Variants in SNX32 observed in about 807,000 individuals in gnomAD.
The protein encoded by SNX32 is sorting nexin-32.
SNX32 carries 58 observed loss-of-function variants against 57.0 expected under a neutral mutation model. The observed-to-expected ratio is 1.02, with a 90% CI of 0.82 to 1.27. The LOEUF (loss-of-function observed/expected upper bound fraction) is 1.27. SNX32 is among the 50% of genes most tolerant of loss of function. The probability of loss-of-function intolerance (pLI) is 0.00; values close to 1 mark genes in which losing one functional copy is unlikely to be tolerated. For synonymous variants in SNX32, 262 were observed against 220.4 expected (o/e 1.19, Z -1.67); for missense variants, 589 against 541.2 (o/e 1.09, Z -0.88).
intron 1 of SNX32, among the ~76,000 whole-genome samples, chr11:65,845,929 A>G (rs1858980698): frequency 1.3e-5 from 2 of 152,236 alleles, no homozygotes; most frequent in African/African-American, 4.8e-5. Flanking sequence ...ACAGGGGCAC[A>G]AAAGAATACA....
At chr11:65,840,012 G>A (rs149820605) in intron 1 of SNX32, among the ~76,000 whole-genome samples, 2,646 of 152,056 alleles carry the variant, frequency 0.017, 81 homozygotes, top group African/African-American at 0.06. Context: ...AAAATTAGCC[G>A]GGCATGGTAG....
chr11:65,841,131 G>A (rs1325193452), intron 1 of SNX32, among the ~76,000 whole-genome samples: 1 of 148,860 alleles, frequency 6.7e-6, no homozygotes, highest in African/African-American at 2.5e-5. Flanking sequence ...TTTTAGCAGA[G>A]ACGGGGTTTT....
At chr11:65,845,059 A>G (rs572998079) in intron 1 of SNX32, among the ~76,000 whole-genome samples, 1 of 137,814 alleles carries the variant, frequency 7.3e-6, no homozygotes, top group Non-Finnish European at 1.5e-5. Context: ...GCTACTTGGG[A>G]GGCTGAAGTG....
At chr11:65,842,779 G>A (rs1223699887) in intron 1 of SNX32, among the ~76,000 whole-genome samples, 1 of 150,830 alleles carries the variant, frequency 6.6e-6, no homozygotes, top group Non-Finnish European at 1.5e-5. Flanking sequence ...GTGAAACCCC[G>A]TCTCTACTAA....
At chr11:65,839,884 C>T (rs1004771108) in intron 1 of SNX32, among the ~76,000 whole-genome samples, 1 of 151,972 alleles carries the variant, frequency 6.6e-6, no homozygotes, top group African/African-American at 2.4e-5. Context: ...AAAGGCCGGG[C>T]GCGGTGGCTC....
chr11:65,839,280 A>AGT (rs1244686835), intron 1 of SNX32, among the ~76,000 whole-genome samples: 3 of 98,846 alleles, frequency 3.0e-5, no homozygotes, highest in Non-Finnish European at 5.6e-5. Flanking sequence ...CCCAGGCTGG[A>AGT]GTGCAGTGGC....
At chr11:65,846,961 C>G (rs1025510199) in intron 1 of SNX32, among the ~76,000 whole-genome samples, 1 of 150,016 alleles carries the variant, frequency 6.7e-6, no homozygotes, top group African/African-American at 2.5e-5. Flanking sequence ...CCAGCCTGGG[C>G]AACAAGAGTG....
At chr11:65,853,091 C>A (rs374530007) in intron 12 of SNX32, 133 bp downstream of exon 12, 4 of 1,274,338 alleles carry the variant, frequency 3.1e-6, no homozygotes, top group East Asian at 4.6e-5. Context: ...ATGAGAGGAG[C>A]CCCAGCTAAG....
chr11:65,852,500 G>GA lies in SNX32; in HGVS notation c.863dup (p.Leu289AlafsTer11). The GA allele has an allele frequency of 6.2e-7, 1 of 1,614,246 alleles. No homozygotes were observed. The highest frequency in any genetic ancestry group is 8.5e-7 in the Non-Finnish European group (1 of 1,180,054). Reference sequence around the variant, plus strand: ...GCCGGGTGGCTTCCGATGAGGACCTGAAGCTGTCAGACATGCTGAGGTACT... The same window carrying GA: ...GCCGGGTGGCTTCCGATGAGGACCTGAAAGCTGTCAGACATGCTGAGGTACT... On this transcript the variant is annotated frameshift_variant, in exon 10 of 13. Transcript: ENST00000308342. LOFTEE classifies it high-confidence loss of function.
intron 1 of SNX32, among the ~76,000 whole-genome samples, chr11:65,841,134 G>A (rs184578639): frequency 2.0e-5 from 3 of 149,556 alleles, no homozygotes; most frequent in African/African-American, 4.9e-5. Flanking sequence ...TAGCAGAGAC[G>A]GGGTTTTACC....
At chr11:65,834,220 C>G (rs568384474) in intron 1 of SNX32, 119 bp downstream of exon 1, 21 of 976,630 alleles carry the variant, frequency 2.2e-5, no homozygotes, top group Middle Eastern at 2.1e-4. Context: ...CTGTGTGTTT[C>G]TGTGTGTGTC....
rs774804513 is a variant in SNX32, at chr11:65,852,529, T to A, written c.890T>A (p.Met297Lys). ...CTGTCAGACATGCTGAGGTACTACA[T>A]GCGTGACTCACAGGCAGCCAAGGTG... is the stretch of plus-strand genomic sequence containing the variant. ...LKLSDMLRYY[M>K]RDSQAAKDLL... The change falls in exon 10 of 13, where the codon ATG becomes AAG. Residue 297 changes from methionine to lysine, a missense_variant. Coordinates refer to ENST00000308342, the MANE Select transcript of SNX32 (RefSeq NM_152760.3). 1 of 1,614,186 alleles carries A rather than the reference T, an allele frequency of 6.2e-7. No homozygotes were observed. Among genetic ancestry groups the A allele is most frequent in the South Asian group, 1.1e-5 (1 of 91,086 alleles).
intron 7 of SNX32, 83 bp downstream of exon 7, chr11:65,851,243 C>T (rs558421315): frequency 1.3e-5 from 21 of 1,597,408 alleles, no homozygotes; most frequent in Admixed American, 3.3e-5. Flanking sequence ...GAGAGCAGGG[C>T]GTGCCTTGTT....
intron 1 of SNX32, among the ~76,000 whole-genome samples, 187 bp from the exon 2 acceptor site, chr11:65,849,291 G>A (rs1859088750): frequency 6.6e-6 from 1 of 152,234 alleles, no homozygotes; most frequent in Non-Finnish European, 1.5e-5. Context: ...AGGATGGGAG[G>A]GTTAAAATGT....
rs996667984 is a variant in SNX32 at position 65,853,548 on chromosome 11, C to G, written c.*213C>G. 1 of 599,262 alleles carries G rather than the reference C, an allele frequency of 1.7e-6. No individual in the cohort carries two copies. The highest frequency in any genetic ancestry group is 3.0e-6 in the Non-Finnish European group (1 of 336,802). 37.1% of individuals were successfully genotyped at this position (599,262 alleles called of 1,614,324 possible). ...ACACAGGGCAGCATGGGCATCATAA[C>G]TGGCCACAGTCAGCAGAGCCCCAGG... On this transcript the variant is annotated 3_prime_UTR_variant, in exon 13 of 13. Transcript: ENST00000308342.
At chr11:65,849,635 C>A (rs1317263243) in intron 2 of SNX32, 53 bp downstream of exon 2, 1 of 1,373,452 alleles carries the variant, frequency 7.3e-7, no homozygotes, top group Admixed American at 2.3e-5. Context: ...CGCAGGAGGC[C>A]TCCCCCAGGG....
At position 65,853,528 on chromosome 11, in the gene SNX32, G is replaced by A; in HGVS notation, c.*193G>A. ...CAGGTGCCAGGCCCTGCAAGACACA[G>A]GGCAGCATGGGCATCATAACTGGCC... is the stretch of plus-strand genomic sequence containing the variant. On this transcript the variant is annotated 3_prime_UTR_variant, in exon 13 of 13. Transcript: ENST00000308342. 1.6e-6 allele frequency: 1 copy of A among 611,754 alleles called. No homozygotes were observed. The highest frequency in any genetic ancestry group is 2.8e-5 in the Admixed American group (1 of 35,372). 37.9% of individuals were successfully genotyped at this position (611,754 alleles called of 1,614,324 possible).
At chr11:65,850,693 C>A (rs939182511) in intron 5 of SNX32, 58 bp from the exon 6 acceptor site, 279 of 1,587,970 alleles carry the variant, frequency 1.8e-4, no homozygotes, top group Middle Eastern at 3.5e-4. Flanking sequence ...TGGCTTGCAA[C>A]TTGGGGTGGG....
At chr11:65,850,318 T>A in intron 4 of SNX32, 47 bp downstream of exon 4, 1 of 1,613,892 alleles carries the variant, frequency 6.2e-7, no homozygotes, top group Non-Finnish European at 8.5e-7. Context: ...CCAGATGTCT[T>A]CCCCAGCTAT....
Sources: allele counts gnomAD v4.1 joint callset (sites outside exome capture counted in the v4.1 genomes callset), GRCh38; gene constraint gnomAD v4.1.1; transcripts MANE v1.5; gene names NCBI Gene and HGNC (gene_info 2026-07-23, HGNC 2026-07-21).